Variants in TENM3 observed in about 807,000 individuals in gnomAD.
TENM3 encodes teneurin-3.
TENM3 carries 63 observed loss-of-function variants against 255.1 expected under a neutral mutation model. The ratio of observed to expected loss-of-function variants is 0.25; its 90% CI spans 0.20 to 0.30. The LOEUF (loss-of-function observed/expected upper bound fraction) is 0.30, where lower values mean the gene tolerates loss of function less well. Ranked by LOEUF, TENM3 falls within the 10% of genes least tolerant of loss-of-function variation. The pLI is 1.00. For synonymous variants in TENM3, 1,306 were observed against 1,322.3 expected (o/e 0.99, Z 0.27); for missense variants, 2,929 against 3,461.1 (o/e 0.85, Z 3.86).
chr4:182,132,665 T>A, the TENM3 span, among the ~76,000 whole-genome samples: 3 of 152,228 alleles, frequency 2.0e-5, no homozygotes, highest in Non-Finnish European at 4.4e-5. Context: ...AGTATTTTCT[T>A]TGTGGAATTC....
At chr4:182,583,623 TTC>T (rs1485050494) in intron 3 of TENM3, among the ~76,000 whole-genome samples, 3 of 152,118 alleles carry the variant, frequency 2.0e-5, no homozygotes, top group Non-Finnish European at 2.9e-5. Context: ...ATAAGTAAGA[TTC>T]TATTTTTAAT....
At chr4:182,125,391 G>A in the TENM3 span, among the ~76,000 whole-genome samples, 14 of 152,204 alleles carry the variant, frequency 9.2e-5, no homozygotes, top group Admixed American at 3.9e-4. Flanking sequence ...AAACCACAAA[G>A]TGCTTCCTTT....
At chr4:182,181,636 G>A (rs1009876950) in intron 1 of TENM3, among the ~76,000 whole-genome samples, 4 of 152,176 alleles carry the variant, frequency 2.6e-5, no homozygotes, top group Non-Finnish European at 4.4e-5. Flanking sequence ...CTTTAAAATA[G>A]TTAACTGATT....
intron 1 of TENM3, among the ~76,000 whole-genome samples, chr4:182,252,162 AAC>A: frequency 6.6e-6 from 1 of 152,066 alleles, no homozygotes; most frequent in Non-Finnish European, 1.5e-5. Context: ...CAGCCTCGGC[AAC>A]AGAGTGAGAC....
At chr4:181,678,631 T>G in the TENM3 span, among the ~76,000 whole-genome samples, 2 of 152,082 alleles carry the variant, frequency 1.3e-5, no homozygotes, top group East Asian at 3.9e-4. Context: ...ACTGAATGTA[T>G]AAGTTTAAAA....
chr4:182,558,700 G>A (rs1560921340), intron 3 of TENM3, among the ~76,000 whole-genome samples: 2 of 152,118 alleles, frequency 1.3e-5, no homozygotes, highest in Non-Finnish European at 2.9e-5. Flanking sequence ...ATGCATTAAA[G>A]TATTTCTCCT....
At chr4:182,560,550 G>A (rs999685789) in intron 3 of TENM3, among the ~76,000 whole-genome samples, 1 of 152,224 alleles carries the variant, frequency 6.6e-6, no homozygotes, top group African/African-American at 2.4e-5. Flanking sequence ...CAAAGGCACA[G>A]TTTCCCTTTT....
the TENM3 span, among the ~76,000 whole-genome samples, chr4:181,773,257 C>G: frequency 6.6e-6 from 1 of 152,162 alleles, no homozygotes; most frequent in African/African-American, 2.4e-5. Flanking sequence ...TTACCTCTTT[C>G]TCTTTACTTT....
intron 3 of TENM3, among the ~76,000 whole-genome samples, chr4:182,431,939 G>A (rs1251867094): frequency 1.3e-5 from 2 of 152,010 alleles, no homozygotes; most frequent in East Asian, 3.9e-4. Flanking sequence ...TACAGAGGGT[G>A]GTGGCGGGTG....
the TENM3 span, among the ~76,000 whole-genome samples, chr4:181,582,426 A>G: frequency 2.6e-5 from 4 of 152,330 alleles, no homozygotes; most frequent in Admixed American, 1.3e-4. Flanking sequence ...AGGCCCAGGC[A>G]GGTGCAGTTG....
At chr4:182,078,759 G>C in the TENM3 span, among the ~76,000 whole-genome samples, 42 of 152,268 alleles carry the variant, frequency 2.8e-4, no homozygotes, top group African/African-American at 9.9e-4. Flanking sequence ...AGGAAATAGA[G>C]AGAGAGAGGG....
chr4:181,940,232 A>ATCTCCCT, the TENM3 span, among the ~76,000 whole-genome samples: 1 of 152,198 alleles, frequency 6.6e-6, no homozygotes, highest in African/African-American at 2.4e-5. Context: ...AATAGTGCCA[A>ATCTCCCT]TCTCCCTTTT....
At chr4:182,468,564 A>G (rs1732808617) in intron 3 of TENM3, among the ~76,000 whole-genome samples, 1 of 152,142 alleles carries the variant, frequency 6.6e-6, no homozygotes, top group Admixed American at 6.6e-5. Flanking sequence ...TCTGCATTTC[A>G]GGTGTCTGTT....
rs1752242590 is a variant in TENM3, at chr4:182,173,525, C to T, written c.-76+28771C>T. ...AAAAGATGAGGAATGGGAGTGGAAG[C>T]CATGGTTATGGAGTTTGGAAAAGTA... On this transcript the variant is annotated intron_variant, in intron 1 of 2. Coordinates refer to the TENM3 transcript ENST00000512480. 1.3e-5 allele frequency among the ~76,000 whole-genome samples: 2 copies of T among 152,104 alleles called. 1 individual carries two copies. The highest frequency in any genetic ancestry group is 4.1e-4 in the South Asian group (2 of 4,826).
chr4:181,528,923 G>A, the TENM3 span, among the ~76,000 whole-genome samples: 1 of 152,104 alleles, frequency 6.6e-6, no homozygotes, highest in Admixed American at 6.6e-5. Flanking sequence ...ACACATATCT[G>A]CAGGCATATA....
At chr4:182,371,205 G>A (rs1007758470) in intron 3 of TENM3, among the ~76,000 whole-genome samples, 6 of 146,258 alleles carry the variant, frequency 4.1e-5, no homozygotes, top group African/African-American at 1.5e-4. Flanking sequence ...TCGTTTCTGA[G>A]GGCCTCAAAA....
At chr4:181,715,497 T>G in the TENM3 span, among the ~76,000 whole-genome samples, 1 of 152,258 alleles carries the variant, frequency 6.6e-6, no homozygotes, top group African/African-American at 2.4e-5. Context: ...AATATTATAC[T>G]TTTATGGAAA....
chr4:182,199,393 G>A (rs1334186034), intron 1 of TENM3, among the ~76,000 whole-genome samples: 1 of 152,090 alleles, frequency 6.6e-6, no homozygotes, highest in African/African-American at 2.4e-5. Context: ...CTGCACTCCA[G>A]CCTGGGCAAC....
chr4:181,643,697 G>T, the TENM3 span, among the ~76,000 whole-genome samples: 2 of 152,142 alleles, frequency 1.3e-5, no homozygotes, highest in Admixed American at 1.3e-4. Flanking sequence ...GTAAGATAAA[G>T]AACTCTTTCA....
Sources: gnomAD v4.1 joint callset for allele counts (sites outside exome capture counted in the v4.1 genomes callset) on GRCh38, gnomAD v4.1.1 for gene constraint, MANE v1.5 for transcripts, NCBI Gene and HGNC (gene_info 2026-07-23, HGNC 2026-07-21) for gene names.